NRXN1: variants seen among roughly 807,000 people sequenced by gnomAD.
NRXN1 encodes neurexin 1.
A neutral mutation model predicts 150.9 loss-of-function variants in NRXN1; 39 were observed. The observed-to-expected ratio is 0.26, with a 90% CI of 0.20 to 0.34. The LOEUF (loss-of-function observed/expected upper bound fraction) is 0.34, where lower values mean the gene tolerates loss of function less well. Ranked by LOEUF, NRXN1 falls within the 10% of genes least tolerant of loss-of-function variation. The pLI is 1.00. For synonymous variants in NRXN1, 924 were observed against 757.0 expected, an observed-to-expected ratio of 1.22 and a Z score of -3.62; for missense variants, 1,815 against 1,949.9, an observed-to-expected ratio of 0.93 and a Z score of 1.30.
At chr2:50,938,912 T>A (rs1416048726) in intron 2 of NRXN1, among the ~76,000 whole-genome samples, 1 of 152,096 alleles carries the variant, frequency 6.6e-6, no homozygotes, top group Non-Finnish European at 1.5e-5. Context: ...TGTAGATTTT[T>A]AAAAAATTAA....
intron 5 of NRXN1, among the ~76,000 whole-genome samples, chr2:50,730,499 T>C (rs1372321417): frequency 6.6e-6 from 1 of 152,088 alleles, no homozygotes; most frequent in Non-Finnish European, 1.5e-5. Flanking sequence ...TCTTTCCAGC[T>C]TTCTCTCATT....
intron 17 of NRXN1, among the ~76,000 whole-genome samples, chr2:50,389,541 T>A (rs2081550642): frequency 6.6e-6 from 1 of 152,038 alleles, no homozygotes; most frequent in Non-Finnish European, 1.5e-5. Context: ...TAATACTGAT[T>A]CTTTGTCTTT....
intron 18 of NRXN1, among the ~76,000 whole-genome samples, chr2:50,167,640 C>A (rs1026914660): frequency 6.6e-6 from 1 of 151,850 alleles, no homozygotes; most frequent in African/African-American, 2.4e-5. Context: ...TTTATAAATA[C>A]CTGGATTTAC....
Position 50,312,388 on chromosome 2 carries a change from C to T in NRXN1, c.3365-75418G>A, listed in dbSNP as rs185172583. Among the ~76,000 whole-genome samples, 21 of 150,584 alleles carry T rather than the reference C, an allele frequency of 1.4e-4. No homozygotes were observed. The East Asian group carries it at 2.1e-3, about 15-fold the overall frequency. On this transcript the variant is annotated intron_variant, in intron 17 of 22. Coordinates refer to ENST00000401669, the MANE Select transcript of NRXN1 (RefSeq NM_001330078.2). ...TTGCAGGCACTTGATGTGGGCATGACGGTGGTGTGTCTATGAGATGGCTGT... is the reference window on the plus strand; with the variant it reads ...TTGCAGGCACTTGATGTGGGCATGATGGTGGTGTGTCTATGAGATGGCTGT...
rs1361151008 is a variant in NRXN1, at chr2:50,585,284, T to C, written c.1321-32259A>G. Among the ~76,000 whole-genome samples the C allele has an allele frequency of 3.3e-5, 5 of 151,990 alleles. No homozygotes were observed. The East Asian group carries it at 5.8e-4, about 18-fold the overall frequency. ...AATAAGCCAGACACAAAAATACAAA[T>C]ATTGTATGATTCCACCTATATGCAG... On this transcript the variant is annotated intron_variant, in intron 8 of 22. Transcript: ENST00000401669.
chr2:50,980,956 A>C (rs1304835958), intron 2 of NRXN1, among the ~76,000 whole-genome samples: 1 of 152,112 alleles, frequency 6.6e-6, no homozygotes, highest in East Asian at 1.9e-4. Flanking sequence ...AAATTGCCCT[A>C]AACACTTGTT....
intron 5 of NRXN1, among the ~76,000 whole-genome samples, chr2:50,819,674 T>A (rs1669439184): frequency 6.6e-6 from 1 of 152,078 alleles, no homozygotes; most frequent in Admixed American, 6.6e-5. Flanking sequence ...GAGGATAAAT[T>A]ACATGTTATG....
chr2:49,935,495 C>T (rs938704650), intron 22 of NRXN1, among the ~76,000 whole-genome samples: 3 of 152,064 alleles, frequency 2.0e-5, no homozygotes, highest in Non-Finnish European at 4.4e-5. Flanking sequence ...CAGTGTCAGG[C>T]TTCTTATAAC....
intron 12 of NRXN1, among the ~76,000 whole-genome samples, chr2:50,516,142 G>A (rs2092624399): frequency 6.6e-6 from 1 of 152,080 alleles, no homozygotes; most frequent in Non-Finnish European, 1.5e-5. Flanking sequence ...ACATGTAAAT[G>A]GCACTTCTAA....
At chr2:50,309,479 C>T (rs979857995) in intron 17 of NRXN1, among the ~76,000 whole-genome samples, 2 of 152,068 alleles carry the variant, frequency 1.3e-5, no homozygotes, top group African/African-American at 4.8e-5. Flanking sequence ...AGAATGTAAC[C>T]CTAATGCCGT....
In NRXN1 at chr2:50,545,223, T is replaced by C. The variant is rs1159415864; in HGVS notation, c.1760-6587A>G. On this transcript the variant is annotated intron_variant, in intron 9 of 22. Transcript: ENST00000401669. Reference sequence around the variant, plus strand: ...ATGTATTTATATATTAAATACATCATGCATTACAAAAATGCACATATATAA... The same window carrying C: ...ATGTATTTATATATTAAATACATCACGCATTACAAAAATGCACATATATAA... Among the ~76,000 whole-genome samples the C allele has an allele frequency of 2.6e-5, 4 of 152,296 alleles. No homozygotes were observed. In the South Asian group the frequency reaches 6.2e-4, roughly 24 times the overall value.
intron 15 of NRXN1, among the ~76,000 whole-genome samples, chr2:50,481,371 G>A (rs1573174496): frequency 6.6e-6 from 1 of 152,164 alleles, no homozygotes; most frequent in Non-Finnish European, 1.5e-5. Context: ...TAATAATGGA[G>A]TAATCTCATA....
chr2:50,965,436 C>G (rs1693906870), intron 2 of NRXN1, among the ~76,000 whole-genome samples: 2 of 151,092 alleles, frequency 1.3e-5, no homozygotes, highest in South Asian at 4.1e-4. Context: ...TTAGGGGGAA[C>G]ATTTTGCAAA....
At chr2:50,127,015 A>T (rs1345408272) in intron 18 of NRXN1, among the ~76,000 whole-genome samples, 4 of 152,164 alleles carry the variant, frequency 2.6e-5, no homozygotes, top group Admixed American at 2.0e-4. Flanking sequence ...TACGACCATG[A>T]TTCTCATGAA....
At chr2:50,066,256 C>A (rs116191323) in intron 19 of NRXN1, among the ~76,000 whole-genome samples, 60 of 152,290 alleles carry the variant, frequency 3.9e-4, no homozygotes, top group Admixed American at 2.2e-3. Flanking sequence ...CAATACATCA[C>A]ATGGATTCTA....
chr2:50,918,605 A>G (rs1685552567), intron 5 of NRXN1: 1 of 373,278 alleles, frequency 2.7e-6, no homozygotes, highest in African/African-American at 2.1e-5. Context: ...CTTTTTTGTA[A>G]TTTAAATAGT....
chr2:50,427,763 A>G (rs1004806668), intron 17 of NRXN1, among the ~76,000 whole-genome samples: 1 of 152,330 alleles, frequency 6.6e-6, no homozygotes, highest in East Asian at 1.9e-4. Flanking sequence ...TGTTGACACA[A>G]TAACAAGACC....
intron 12 of NRXN1, among the ~76,000 whole-genome samples, chr2:50,525,367 C>T (rs1384539445): frequency 1.3e-5 from 2 of 152,166 alleles, no homozygotes; most frequent in African/African-American, 2.4e-5. Flanking sequence ...TGTGACTGTA[C>T]AGTCCCTTCC....
chr2:50,403,885 A>G (rs1345819257), intron 17 of NRXN1, among the ~76,000 whole-genome samples: 1 of 152,136 alleles, frequency 6.6e-6, no homozygotes, highest in Non-Finnish European at 1.5e-5. Context: ...CATTAAAAAT[A>G]CCATTTACCC....
Sources: gnomAD v4.1 joint callset for allele counts (sites outside exome capture counted in the v4.1 genomes callset) on GRCh38, gnomAD v4.1.1 for gene constraint, MANE v1.5 for transcripts, NCBI Gene and HGNC (gene_info 2026-07-23, HGNC 2026-07-21) for gene names.